The following ZNF717 variants were observed in gnomAD, a reference collection of about 807,000 sequenced individuals.
ZNF717 encodes krueppel-like factor X17.
Under a neutral mutation model 13.8 loss-of-function variants are expected in ZNF717, and 9 were observed. That is an observed-to-expected ratio of 0.65 (90% confidence interval 0.39 to 1.14). ZNF717 has a LOEUF of 1.14. Ranked by LOEUF, ZNF717 falls within the 50% of genes most tolerant of loss-of-function variation. The probability of loss-of-function intolerance (pLI) is 0.01; values close to 1 mark genes in which losing one functional copy is unlikely to be tolerated. For synonymous variants in ZNF717, 327 were observed against 364.1 expected (o/e 0.90, Z 1.16); for missense variants, 1,040 against 1,080.7 (o/e 0.96, Z 0.53).
At chr3:75,758,002 G>T (rs964978950) in intron 2 of ZNF717, among the ~76,000 whole-genome samples, 1 of 148,962 alleles carries the variant, frequency 6.7e-6, no homozygotes. Context: ...CCTGTAATCC[G>T]AAATACTTGG....
At chr3:75,745,553 T>TACAAC (rs141975213) in intron 2 of ZNF717, among the ~76,000 whole-genome samples, 43 of 4,274 alleles carry the variant, frequency 0.01, no homozygotes, top group African/African-American at 0.033. Context: ...CACCTTGCTC[T>TACAAC]ACATCTCCTG....
chr3:75,783,296 A>C lies in ZNF717; in HGVS notation c.57+10T>G, dbSNP rs184050335. ...TGTAAAACAAAGTGAAGAACAAATA[A>C]ACAACTCACCAGAGATTTATTCTTT... On this transcript the variant is annotated intron_variant, in intron 2 of 4. Transcript: ENST00000652011. 14 of 1,547,432 alleles carry C rather than the reference A, an allele frequency of 9.0e-6. No homozygotes were observed. In the Admixed American group the frequency reaches 2.5e-4, roughly 28 times the overall value.
chr3:75,783,275 A>G, intron 2 of ZNF717, 31 bp downstream of exon 2: 2 of 1,523,892 alleles, frequency 1.3e-6, no homozygotes, highest in Non-Finnish European at 1.8e-6. Flanking sequence ...ATACAGTGTA[A>G]AACAAAGTGA....
intron 2 of ZNF717, among the ~76,000 whole-genome samples, chr3:75,772,913 C>G (rs13061980): frequency 0.69 from 101,809 of 148,264 alleles, 34,700 homozygotes; most frequent in African/African-American, 0.85. Context: ...GGATTTCAGA[C>G]CTCCATGGAT....
chr3:75,763,905 A>C (rs1309472212), intron 2 of ZNF717, among the ~76,000 whole-genome samples: 2 of 152,096 alleles, frequency 1.3e-5, no homozygotes, highest in East Asian at 3.9e-4. Flanking sequence ...AAAACCATTA[A>C]TGGTCTAAAG....
intron 6 of ZNF717, among the ~76,000 whole-genome samples, chr3:75,695,424 A>G (rs1431903137): frequency 6.6e-6 from 1 of 152,304 alleles, no homozygotes; most frequent in Non-Finnish European, 1.5e-5. Context: ...TAGACCTTCC[A>G]AATAGAAAAT....
intron 2 of ZNF717, 196 bp from the exon 3 acceptor site, chr3:75,741,932 T>C: frequency 1.6e-6 from 1 of 642,404 alleles, no homozygotes; most frequent in Non-Finnish European, 2.6e-6. Context: ...AGAACAAGAA[T>C]CTGGGAATTC....
chr3:75,769,121 C>G (rs181760944), intron 2 of ZNF717, among the ~76,000 whole-genome samples: 10 of 152,310 alleles, frequency 6.6e-5, no homozygotes, highest in African/African-American at 2.2e-4. Context: ...CACCTTCCCC[C>G]CTTGAATCGT....
chr3:75,737,692 T>C lies in ZNF717; in HGVS notation c.1931A>G (p.Glu644Gly). The C allele has an allele frequency of 6.5e-7, 1 of 1,545,394 alleles. No individual in the cohort carries two copies. The highest frequency in any genetic ancestry group is 8.8e-7 in the Non-Finnish European group (1 of 1,142,588). Residue 644 changes from glutamate (E) to glycine (G), a missense_variant, in exon 5 of 5, where the codon GAG (glutamate) becomes GGG (glycine). Physicochemically the swap from Glu to Gly is moderately conservative, Grantham distance 98 (BLOSUM62 -2). Transcript: ENST00000652011. ...LSTHQGTHTGEKPYVCNECGK... is the reference protein window; with the variant it reads ...LSTHQGTHTGGKPYVCNECGK... ...ACATTCATTACATACGTAAGGTTTC[T>C]CTCCTGTGTGAGTTCCCTGATGGGT...
rs1301008995 is a variant in ZNF717, at chr3:75,737,063, T to G, written c.2560A>C (p.Lys854Gln). The change falls in exon 5 of 5, where the codon AAG (lysine) becomes CAG (glutamine). Residue 854 changes from lysine (K) to glutamine (Q), a missense_variant. By Grantham distance (53) the Lys-to-Gln change is moderately conservative. This residue lies in a region of ZNF717 where 873 missense variants were observed against 832.8 expected (regional missense o/e 1.05). Transcript: ENST00000652011. ...CNECRKTFSQ[K>Q]SGLSIHQRTH... ...CTCTGATGTATACTGAGGCCTGACT[T>G]CTGGGAGAAAGTTTTCCTACATTCA... 22 of 1,601,148 alleles carry G rather than the reference T, an allele frequency of 1.4e-5. No individual in the cohort carries two copies. Among genetic ancestry groups the G allele is most frequent in the Middle Eastern group, 1.7e-4 (1 of 6,040 alleles).
chr3:75,704,919 C>G (rs542135725), downstream of ZNF717, among the ~76,000 whole-genome samples: 25 of 151,814 alleles, frequency 1.6e-4, no homozygotes, highest in African/African-American at 5.6e-4. Context: ...AAAAGATCAG[C>G]AGTAACCTCT....
chr3:75,764,079 G>C (rs1463456786), intron 2 of ZNF717, among the ~76,000 whole-genome samples: 1 of 152,156 alleles, frequency 6.6e-6, no homozygotes, highest in African/African-American at 2.4e-5. Flanking sequence ...ACCCTACACA[G>C]GATTCCCAGA....
rs1939911867 is a variant in ZNF717 at position 75,738,825 on chromosome 3, T to C, written c.798A>G (p.Arg266=). ...GCTGATGTTTAGTGAAGTCAGACTT[T>C]CTACAGCAAGTTGGCTGTCCTACCT... ...ITQVGQPTCC[R]KSDFTKHQQT... The change falls in exon 5 of 5, where the codon AGA becomes AGG. Residue 266 remains arginine, a synonymous_variant. Transcript: ENST00000652011. The C allele has an allele frequency of 2.6e-6, 4 of 1,551,924 alleles. No homozygotes were observed. The highest frequency in any genetic ancestry group is 3.5e-6 in the Non-Finnish European group (4 of 1,147,326).
chr3:75,702,006 G>A (rs1937706360), intron 6 of ZNF717, among the ~76,000 whole-genome samples: 1 of 152,304 alleles, frequency 6.6e-6, no homozygotes, highest in Non-Finnish European at 1.5e-5. Context: ...AGTATGTGGA[G>A]TGAAGGGAAC....
At chr3:75,766,842 G>C (rs1374036171) in intron 2 of ZNF717, among the ~76,000 whole-genome samples, 1 of 152,340 alleles carries the variant, frequency 6.6e-6, no homozygotes, top group African/African-American at 2.4e-5. Flanking sequence ...ATCCAGAAAA[G>C]CCTCAAATGT....
At chr3:75,734,944 G>C (rs1287232416), downstream of ZNF717, among the ~76,000 whole-genome samples, 815 of 151,090 alleles carry the variant, frequency 5.4e-3, 6 homozygotes, top group African/African-American at 0.017. Flanking sequence ...TCCTGTCCAA[G>C]CCTCCCGAGT....
intron 6 of ZNF717, among the ~76,000 whole-genome samples, chr3:75,700,857 A>T (rs1421009130): frequency 1.1e-4 from 16 of 152,310 alleles, no homozygotes; most frequent in African/African-American, 3.9e-4. Flanking sequence ...CATTGGAGAA[A>T]CTCTTTAGGG....
At chr3:75,739,884 A>C (rs1940144691) in intron 4 of ZNF717, among the ~76,000 whole-genome samples, 1 of 152,300 alleles carries the variant, frequency 6.6e-6, no homozygotes, top group Non-Finnish European at 1.5e-5. Context: ...AGAATGGTTA[A>C]ATGTGTCTGG....
downstream of ZNF717, among the ~76,000 whole-genome samples, chr3:75,735,006 T>C (rs1413973055): frequency 3.3e-5 from 5 of 151,894 alleles, no homozygotes; most frequent in Non-Finnish European, 7.4e-5. Context: ...TTTGTATTTT[T>C]AGTAAAGATG....
Sources: allele counts gnomAD v4.1 joint callset (sites outside exome capture counted in the v4.1 genomes callset), GRCh38; gene constraint gnomAD v4.1.1; regional missense constraint gnomAD v4.1.1; transcripts MANE v1.5; gene names NCBI Gene and HGNC (gene_info 2026-07-23, HGNC 2026-07-21).